FSTL1: variants seen among roughly 807,000 people sequenced by gnomAD.
FSTL1 encodes the protein follistatin like 1.
Under a neutral mutation model 45.9 loss-of-function variants are expected in FSTL1, and 24 were observed. The observed-to-expected ratio is 0.52, with a 90% confidence interval of 0.38 to 0.74. The LOEUF (loss-of-function observed/expected upper bound fraction) is 0.74. Ranked by LOEUF, FSTL1 falls within the 30% of genes least tolerant of loss-of-function variation. FSTL1 has a pLI of 0.00. For synonymous variants in FSTL1, 120 were observed against 137.6 expected, an observed-to-expected ratio of 0.87 and a Z score of 0.89; for missense variants, 340 against 381.8, an observed-to-expected ratio of 0.89 and a Z score of 0.91.
intron 2 of FSTL1, among the ~76,000 whole-genome samples, chr3:120,449,485 A>T (rs1000272362): frequency 1.3e-5 from 2 of 152,186 alleles, no homozygotes; most frequent in Non-Finnish European, 2.9e-5. Flanking sequence ...ACCTTCGCTG[A>T]CTCAATTTAT....
intron 2 of FSTL1, among the ~76,000 whole-genome samples, chr3:120,418,402 C>T (rs755076299): frequency 2.6e-5 from 4 of 152,116 alleles, no homozygotes; most frequent in South Asian, 2.1e-4. Context: ...TATAAATATC[C>T]GGCATCCTAC....
chr3:120,408,923 C>T (rs1157321619), intron 6 of FSTL1, among the ~76,000 whole-genome samples: 1 of 152,146 alleles, frequency 6.6e-6, no homozygotes, highest in African/African-American at 2.4e-5. Flanking sequence ...CCCGAGCCAT[C>T]ACTAAATATT....
chr3:120,421,796 A>G (rs1937283667), intron 2 of FSTL1, among the ~76,000 whole-genome samples: 1 of 152,152 alleles, frequency 6.6e-6, no homozygotes, highest in Non-Finnish European at 1.5e-5. Context: ...TGTGCTCACA[A>G]TCAGTCCCTC....
At chr3:120,434,936 C>G (rs991570594) in intron 2 of FSTL1, among the ~76,000 whole-genome samples, 12 of 152,236 alleles carry the variant, frequency 7.9e-5, no homozygotes, top group African/African-American at 2.9e-4. Flanking sequence ...TTACAAAAAA[C>G]AGCCAGGCAC....
At chr3:120,407,651 C>T (rs1454735951) in intron 6 of FSTL1, among the ~76,000 whole-genome samples, 1 of 152,226 alleles carries the variant, frequency 6.6e-6, no homozygotes, top group Non-Finnish European at 1.5e-5. Context: ...CACCAACAGG[C>T]AGCTGCTGAC....
At chr3:120,428,507 T>C (rs61795712) in intron 2 of FSTL1, among the ~76,000 whole-genome samples, 31,448 of 152,022 alleles carry the variant, frequency 0.21, 3,311 homozygotes, top group Middle Eastern at 0.23. Flanking sequence ...CCTAGGCAGG[T>C]GGATCACTTG....
chr3:120,393,615 C>G lies in FSTL1; in HGVS notation c.*3337G>C, dbSNP rs955534895. 5 of 152,186 alleles carry G rather than the reference C, an allele frequency of 3.3e-5. No individual in the cohort carries two copies. Among genetic ancestry groups the G allele is most frequent in the African/African-American group, 1.2e-4 (5 of 41,444 alleles). 9.4% of individuals were successfully genotyped at this position (152,186 alleles called of 1,614,324 possible). On this transcript the variant is annotated 3_prime_UTR_variant, in exon 11 of 11. Coordinates refer to ENST00000295633, the MANE Select transcript of FSTL1 (RefSeq NM_007085.5). ...AGCCTCACTGGATGCCATTTAGTCT[C>G]CTAAATCATATGGGGGATTTACGAG...
chr3:120,432,658 A>T (rs1424417699), intron 2 of FSTL1, among the ~76,000 whole-genome samples: 3 of 152,210 alleles, frequency 2.0e-5, no homozygotes, highest in Admixed American at 2.0e-4. Context: ...TATTGTTCTC[A>T]CAGCTCTGGT....
intron 2 of FSTL1, among the ~76,000 whole-genome samples, chr3:120,426,987 T>A (rs534468874): frequency 1.3e-5 from 2 of 152,042 alleles, no homozygotes; most frequent in Non-Finnish European, 2.9e-5. Context: ...AAAAAAAGGG[T>A]CTAGGGCTCC....
rs780530451 is a variant in FSTL1, at chr3:120,393,045, G to C, written c.*3907C>G. Reference sequence around the variant, plus strand: ...AGCAGAAAAAGTTTTCCCAGAACATGGTGGAAGGTTGGGAAGTTAGCCAAA... The same window carrying C: ...AGCAGAAAAAGTTTTCCCAGAACATCGTGGAAGGTTGGGAAGTTAGCCAAA... On this transcript the variant is annotated 3_prime_UTR_variant, in exon 11 of 11. Coordinates refer to ENST00000295633, the MANE Select transcript of FSTL1 (RefSeq NM_007085.5). 5.9e-5 allele frequency: 9 copies of C among 152,156 alleles called. No homozygotes were observed. Among genetic ancestry groups the C allele is most frequent in the African/African-American group, 1.2e-4 (5 of 41,428 alleles). The allele number at this position is 152,156 out of a possible 1,614,324, so 9.4% of individuals were successfully genotyped here.
At chr3:120,411,744 G>A in intron 4 of FSTL1, 110 bp downstream of exon 4, 2 of 965,674 alleles carry the variant, frequency 2.1e-6, no homozygotes, top group South Asian at 1.6e-5. Flanking sequence ...CCACAGCTTT[G>A]AGAGGCTGTG....
rs1430016655 is a variant in FSTL1 at position 120,403,929 on chromosome 3, A to AC, written c.582-576_582-575insG. 4.0e-3 allele frequency among the ~76,000 whole-genome samples: 519 copies of AC among 128,222 alleles called. 4 individuals are homozygous for AC. The highest frequency in any genetic ancestry group is 0.014 in the African/African-American group (484 of 33,824). 84.1% of individuals were successfully genotyped at this position (128,222 alleles called of 152,430 possible). ...GAGCGAGACTCCGTCTCAAAAAAAA[A>AC]AAAAAAAAAAAAAAACAAAAACAAA... On this transcript the variant is annotated intron_variant, in intron 7 of 10. Transcript: ENST00000295633.
chr3:120,435,722 A>G (rs1937540294), intron 2 of FSTL1, among the ~76,000 whole-genome samples: 1 of 152,230 alleles, frequency 6.6e-6, no homozygotes, highest in South Asian at 2.1e-4. Context: ...GGAAGTCTTT[A>G]CATTCCAGGC....
At chr3:120,400,838 C>T (rs1052949864) in intron 9 of FSTL1, among the ~76,000 whole-genome samples, 18 of 152,204 alleles carry the variant, frequency 1.2e-4, no homozygotes, top group African/African-American at 2.7e-4. Flanking sequence ...CACATCCATA[C>T]GTGCTCAGGC....
At chr3:120,421,749 T>C (rs548415569) in intron 2 of FSTL1, among the ~76,000 whole-genome samples, 60 of 152,330 alleles carry the variant, frequency 3.9e-4, no homozygotes, top group Admixed American at 7.2e-4. Flanking sequence ...GGGCACTGCA[T>C]GTGTGCAGTC....
chr3:120,409,557 C>T lies in FSTL1; in HGVS notation c.437G>A (p.Ser146Asn), dbSNP rs1937009559. 6.2e-7 allele frequency: 1 copy of T among 1,613,908 alleles called. No individual in the cohort carries two copies. Among genetic ancestry groups the T allele is most frequent in the Non-Finnish European group, 8.5e-7 (1 of 1,179,856 alleles). The change falls in exon 6 of 11, where the codon AGT (serine) becomes AAT (asparagine). Residue 146 changes from serine to asparagine, a missense_variant. Ser to Asn is a conservative substitution (Grantham distance 46). Coordinates refer to ENST00000295633, the MANE Select transcript of FSTL1 (RefSeq NM_007085.5). ...DGWFSKGSNY[S>N]EILDKYFKNF... ...CTTAAAATACTTGTCTAGGATTTCACTGTAGTTGCTGCCTTTAGAGAACCA... is the reference window on the plus strand; with the variant it reads ...CTTAAAATACTTGTCTAGGATTTCATTGTAGTTGCTGCCTTTAGAGAACCA...
chr3:120,397,548 C>T (rs947646337), intron 10 of FSTL1, among the ~76,000 whole-genome samples: 13 of 152,282 alleles, frequency 8.5e-5, no homozygotes, highest in East Asian at 5.8e-4. Flanking sequence ...ATTAATCACA[C>T]GGGAAATGCA....
intron 2 of FSTL1, among the ~76,000 whole-genome samples, chr3:120,424,478 TAAGA>T (rs1937340812): frequency 1.3e-5 from 2 of 152,066 alleles, no homozygotes; most frequent in African/African-American, 2.4e-5. Flanking sequence ...GCCGAGCTCT[TAAGA>T]AAGGTAGGAT....
chr3:120,404,989 A>G lies in FSTL1; in HGVS notation c.463-18T>C. 2 of 1,262,376 alleles carry G rather than the reference A, an allele frequency of 1.6e-6. No homozygotes were observed. Among genetic ancestry groups the G allele is most frequent in the Non-Finnish European group, 1.2e-6 (1 of 858,328 alleles). 78.2% of individuals were successfully genotyped at this position (1,262,376 alleles called of 1,614,324 possible). A position where few individuals can be genotyped will look rare whatever the true frequency, so the allele number is the denominator to read the frequency against. On this transcript the variant is annotated intron_variant, in intron 6 of 10. Coordinates refer to ENST00000295633, the MANE Select transcript of FSTL1 (RefSeq NM_007085.5). ...TCAAAGTTCTAGAAAGGGCATGACA[A>G]GATCGTTCAGGGATGTTTTGCAGAA... is the stretch of plus-strand genomic sequence containing the variant.
Sources: allele counts gnomAD v4.1 joint callset (sites outside exome capture counted in the v4.1 genomes callset), GRCh38; gene constraint gnomAD v4.1.1; transcripts MANE v1.5; gene names NCBI Gene and HGNC (gene_info 2026-07-23, HGNC 2026-07-21).